The following RALGAPA1 variants were observed in gnomAD, a reference collection of about 807,000 sequenced individuals.
RALGAPA1 encodes Ral GTPase activating protein catalytic subunit alpha 1, also known as ral GTPase-activating protein subunit alpha-1.
A neutral mutation model predicts 269.6 loss-of-function variants in RALGAPA1; 52 were observed. That is an observed-to-expected ratio of 0.19 (90% CI 0.15 to 0.24). RALGAPA1 has a LOEUF of 0.24. Ranked by LOEUF, RALGAPA1 falls within the 10% of genes least tolerant of loss-of-function variation. The pLI, the probability that RALGAPA1 is intolerant of heterozygous loss-of-function variation, is 1.00. For missense variants in RALGAPA1, 1,917 were observed against 3,013.9 expected, an observed-to-expected ratio of 0.64 and a Z score of 8.52; for synonymous variants, 817 against 1,008.3, an observed-to-expected ratio of 0.81 and a Z score of 3.60.
intron 26 of RALGAPA1, among the ~76,000 whole-genome samples, chr14:35,666,910 T>C (rs2063993128): frequency 1.3e-5 from 2 of 152,112 alleles, no homozygotes; most frequent in South Asian, 4.1e-4. Context: ...ATGACATTGG[T>C]TTATATATTG....
chr14:35,722,468 A>G (rs1400541786), intron 15 of RALGAPA1, among the ~76,000 whole-genome samples: 1 of 152,070 alleles, frequency 6.6e-6, no homozygotes, highest in Non-Finnish European at 1.5e-5. Flanking sequence ...AAACAAAAAA[A>G]TTTAGCTGAG....
chr14:35,551,164 G>C (rs970891559), intron 39 of RALGAPA1, among the ~76,000 whole-genome samples: 1 of 152,120 alleles, frequency 6.6e-6, no homozygotes, highest in Non-Finnish European at 1.5e-5. Context: ...TGGCTGAAAA[G>C]GGAAAAATGG....
chr14:35,765,526 G>A (rs1350697916), intron 4 of RALGAPA1, among the ~76,000 whole-genome samples: 1 of 152,076 alleles, frequency 6.6e-6, no homozygotes, highest in East Asian at 1.9e-4. Flanking sequence ...TTTGAGACAG[G>A]TTCTTGCTCT....
At chr14:35,572,761 T>C (rs775644949) in intron 37 of RALGAPA1, 43 bp from the exon 38 acceptor site, 1 of 1,455,014 alleles carries the variant, frequency 6.9e-7, no homozygotes, top group Admixed American at 2.0e-5. Context: ...TAAAAGCTCT[T>C]TGAGTACAGT....
At chr14:35,621,825 CA>C (rs1197031660) in intron 35 of RALGAPA1, among the ~76,000 whole-genome samples, 1 of 152,144 alleles carries the variant, frequency 6.6e-6, no homozygotes, top group Non-Finnish European at 1.5e-5. Context: ...TACCATCTCA[CA>C]ACAGTTAGAA....
At chr14:35,745,412 CACACAGACAG>C (rs1417525789) in intron 10 of RALGAPA1, among the ~76,000 whole-genome samples, 3 of 131,972 alleles carry the variant, frequency 2.3e-5, no homozygotes, top group African/African-American at 1.0e-4. Context: ...CATACACAGA[CACACAGACAG>C]ACACACACAC....
chr14:35,615,624 T>C (rs1255415589), intron 35 of RALGAPA1, among the ~76,000 whole-genome samples: 1 of 152,170 alleles, frequency 6.6e-6, no homozygotes, highest in East Asian at 1.9e-4. Flanking sequence ...ATTCATTTAA[T>C]GTAGTGTATA....
At chr14:35,797,502 T>A (rs1042435882) in intron 1 of RALGAPA1, among the ~76,000 whole-genome samples, 2 of 152,094 alleles carry the variant, frequency 1.3e-5, no homozygotes, top group African/African-American at 4.8e-5. Context: ...TTCTGTCATT[T>A]GATAACATGG....
At chr14:35,580,150 T>A (rs914786586) in intron 37 of RALGAPA1, among the ~76,000 whole-genome samples, 2 of 152,112 alleles carry the variant, frequency 1.3e-5, no homozygotes, top group Middle Eastern at 3.2e-3. Flanking sequence ...AGTGCTTCTT[T>A]CCCCCTATTT....
intron 36 of RALGAPA1, among the ~76,000 whole-genome samples, chr14:35,597,292 C>T (rs996389440): frequency 6.6e-6 from 1 of 152,124 alleles, no homozygotes; most frequent in African/African-American, 2.4e-5. Context: ...TCCCTCATAG[C>T]CTTTGAAATA....
intron 1 of RALGAPA1, among the ~76,000 whole-genome samples, chr14:35,798,072 C>T (rs1420458585): frequency 6.6e-6 from 1 of 151,374 alleles, no homozygotes; most frequent in Non-Finnish European, 1.5e-5. Context: ...GGGGTTTTGC[C>T]TTGTTGCCTA....
intron 38 of RALGAPA1, among the ~76,000 whole-genome samples, chr14:35,571,582 G>A (rs2057198947): frequency 6.6e-6 from 1 of 152,096 alleles, no homozygotes; most frequent in Non-Finnish European, 1.5e-5. Context: ...GGCTGAGACA[G>A]GGAATTGCTT....
chr14:35,624,208 TAAAAAAAAAAA>T (rs780017500), intron 35 of RALGAPA1, among the ~76,000 whole-genome samples: 4 of 87,120 alleles, frequency 4.6e-5, no homozygotes, highest in Non-Finnish European at 9.4e-5. Flanking sequence ...TCCAGTTCCG[TAAAAAAAAAAA>T]AAAAAAAAAG....
intron 39 of RALGAPA1, among the ~76,000 whole-genome samples, chr14:35,562,829 G>C (rs1468364751): frequency 6.6e-6 from 1 of 151,726 alleles, no homozygotes; most frequent in African/African-American, 2.4e-5. Context: ...AGACCATCCT[G>C]GCTAACACGG....
chr14:35,608,847 C>T (rs1400775153), intron 35 of RALGAPA1, among the ~76,000 whole-genome samples: 1 of 152,120 alleles, frequency 6.6e-6, no homozygotes, highest in Admixed American at 6.6e-5. Flanking sequence ...CCGGACCTAC[C>T]TGACATCTAC....
chr14:35,721,556 G>C, intron 16 of RALGAPA1, 132 bp downstream of exon 16: 1 of 710,194 alleles, frequency 1.4e-6, no homozygotes, highest in Non-Finnish European at 2.2e-6. Flanking sequence ...TGGAAAAAAG[G>C]CTTTGCTATA....
chr14:35,594,094 C>G (rs1221827892), intron 37 of RALGAPA1, among the ~76,000 whole-genome samples: 1 of 151,962 alleles, frequency 6.6e-6, no homozygotes, highest in Non-Finnish European at 1.5e-5. Flanking sequence ...AAGAATAAAA[C>G]TGAATCCTTA....
At chr14:35,561,988 A>G (rs1291093645) in intron 39 of RALGAPA1, among the ~76,000 whole-genome samples, 2 of 152,206 alleles carry the variant, frequency 1.3e-5, no homozygotes, top group Non-Finnish European at 2.9e-5. Context: ...CTTAGCTGGT[A>G]AGACATTTTA....
At chr14:35,724,979 A>C in intron 14 of RALGAPA1, 45 bp downstream of exon 14, 2 of 1,469,360 alleles carry the variant, frequency 1.4e-6, no homozygotes, top group South Asian at 2.9e-5. Context: ...AAACAAAACA[A>C]CCCATATCTA....
Sources: allele counts gnomAD v4.1 joint callset (sites outside exome capture counted in the v4.1 genomes callset), GRCh38; gene constraint gnomAD v4.1.1; transcripts MANE v1.5; gene names NCBI Gene and HGNC (gene_info 2026-07-23, HGNC 2026-07-21).